Variants in SCRG1 observed in about 807,000 individuals in gnomAD.
SCRG1 encodes scrapie-responsive protein 1.
Under a neutral mutation model 7.7 loss-of-function variants are expected in SCRG1, and 3 were observed. The observed-to-expected ratio is 0.39, with a 90% CI of 0.18 to 1.01. The LOEUF is 1.01. Among genes scored for constraint, SCRG1 ranks in the 50% least tolerant of loss-of-function variants. SCRG1 has a pLI of 0.36. For synonymous variants in SCRG1, 46 were observed against 41.2 expected, an observed-to-expected ratio of 1.12 and a Z score of -0.44; for missense variants, 110 against 117.2, an observed-to-expected ratio of 0.94 and a Z score of 0.28.
At chr4:173,438,282 AT>A in the SCRG1 span, among the ~76,000 whole-genome samples, 21 of 147,786 alleles carry the variant, frequency 1.4e-4, no homozygotes, top group South Asian at 4.3e-4. Flanking sequence ...TGCCCAGCTA[AT>A]TTTTTTTTTT....
chr4:173,517,221 A>G, the SCRG1 span, among the ~76,000 whole-genome samples: 2 of 152,076 alleles, frequency 1.3e-5, no homozygotes, highest in Non-Finnish European at 2.9e-5. Context: ...AGTGGTGGGG[A>G]CTGCAGTCTG....
chr4:173,443,146 G>T, the SCRG1 span, among the ~76,000 whole-genome samples: 3 of 152,232 alleles, frequency 2.0e-5, no homozygotes, highest in African/African-American at 4.8e-5. Flanking sequence ...CTGGAGTGAG[G>T]CTTCTAGTTT....
the SCRG1 span, among the ~76,000 whole-genome samples, chr4:173,453,892 C>A: frequency 6.6e-6 from 1 of 152,060 alleles, no homozygotes; most frequent in Non-Finnish European, 1.5e-5. Context: ...GCCTGGCCAA[C>A]ATGATGAAAC....
the SCRG1 span, among the ~76,000 whole-genome samples, chr4:173,484,115 A>G: frequency 2.8e-5 from 2 of 70,362 alleles, no homozygotes; most frequent in South Asian, 5.6e-4. Context: ...TATAATATAT[A>G]ATATACAATA....
At chr4:173,434,511 A>T in the SCRG1 span, among the ~76,000 whole-genome samples, 1 of 152,190 alleles carries the variant, frequency 6.6e-6, no homozygotes, top group Non-Finnish European at 1.5e-5. Flanking sequence ...ATTTCCAAAG[A>T]TACATTTTAA....
At chr4:173,429,774 C>T in the SCRG1 span, among the ~76,000 whole-genome samples, 1 of 152,178 alleles carries the variant, frequency 6.6e-6, no homozygotes, top group Admixed American at 6.5e-5. Context: ...TCAAACCAGT[C>T]CACTTCCAGA....
the SCRG1 span, among the ~76,000 whole-genome samples, chr4:173,436,544 T>C: frequency 6.6e-6 from 1 of 152,186 alleles, no homozygotes; most frequent in Non-Finnish European, 1.5e-5. Context: ...TGGTCATAAA[T>C]GTTCTATTTT....
chr4:173,392,812 C>T (rs1298751783), intron 1 of SCRG1, among the ~76,000 whole-genome samples: 3 of 152,088 alleles, frequency 2.0e-5, no homozygotes, highest in Admixed American at 1.3e-4. Context: ...GTGGAATAGC[C>T]AGACGTGGTG....
the SCRG1 span, among the ~76,000 whole-genome samples, chr4:173,411,505 C>G: frequency 3.3e-5 from 5 of 152,218 alleles, no homozygotes; most frequent in Non-Finnish European, 5.9e-5. Context: ...GAATCACCAT[C>G]CCCCTAGTTC....
At chr4:173,395,689 T>C (rs1414943245) in intron 1 of SCRG1, among the ~76,000 whole-genome samples, 1 of 152,240 alleles carries the variant, frequency 6.6e-6, no homozygotes, top group Non-Finnish European at 1.5e-5. Flanking sequence ...ATATATAATC[T>C]GGCCTACAAG....
At chr4:173,410,689 C>T (rs1215452512), upstream of SCRG1, among the ~76,000 whole-genome samples, 1 of 152,098 alleles carries the variant, frequency 6.6e-6, no homozygotes, top group African/African-American at 2.4e-5. Context: ...TGATCGAGAT[C>T]CCTACAGATT....
the SCRG1 span, among the ~76,000 whole-genome samples, chr4:173,517,369 CAG>C: frequency 1.3e-5 from 2 of 152,214 alleles, no homozygotes; most frequent in Non-Finnish European, 2.9e-5. Flanking sequence ...AGCTGCCTTC[CAG>C]AGGGGGCGAG....
chr4:173,391,258 C>G lies in SCRG1; in HGVS notation c.157G>C (p.Val53Leu). 2.5e-6 allele frequency: 4 copies of G among 1,614,182 alleles called. No homozygotes were observed. Among genetic ancestry groups the G allele is most frequent in the Non-Finnish European group, 3.4e-6 (4 of 1,180,030 alleles). ...TCCCAGAAATGATCCTGGACATTGACATCAATCTGTGTCAGGTCAGCTACT... is the reference window on the plus strand; with the variant it reads ...TCCCAGAAATGATCCTGGACATTGAGATCAATCTGTGTCAGGTCAGCTACT... ...EGVADLTQID[V>L]NVQDHFWDGK... is the part of the protein sequence containing the mutation. Residue 53 changes from valine to leucine, a missense_variant, in exon 2 of 3, where the codon GTC becomes CTC. Val to Leu is a conservative substitution (Grantham distance 32). Coordinates refer to ENST00000296506, the MANE Select transcript of SCRG1 (RefSeq NM_007281.4).
At chr4:173,433,994 C>A in the SCRG1 span, among the ~76,000 whole-genome samples, 1,066 of 152,318 alleles carry the variant, frequency 7.0e-3, 19 homozygotes, top group African/African-American at 0.024. Flanking sequence ...TGCTTTTTAG[C>A]CTTTCAACAT....
At chr4:173,478,375 A>G in the SCRG1 span, among the ~76,000 whole-genome samples, 2 of 138,830 alleles carry the variant, frequency 1.4e-5, no homozygotes, top group Non-Finnish European at 2.9e-5. Context: ...ATGGAAGAAA[A>G]AAACAAAAAA....
the SCRG1 span, among the ~76,000 whole-genome samples, chr4:173,504,286 T>C: frequency 6.6e-6 from 1 of 152,202 alleles, no homozygotes. This position sits in a 1 kb window ranked among gnomAD's most constrained non-coding sequence, Gnocchi z 4.7. Context: ...CCCAGAGGCT[T>C]CCCTGCATGC....
At chr4:173,470,307 T>C in the SCRG1 span, among the ~76,000 whole-genome samples, 1 of 152,114 alleles carries the variant, frequency 6.6e-6, no homozygotes, top group Non-Finnish European at 1.5e-5. Flanking sequence ...ATCTATTTTG[T>C]GCAACCCACC....
intron 1 of SCRG1, among the ~76,000 whole-genome samples, chr4:173,394,269 T>TC (rs907166016): frequency 6.6e-5 from 10 of 152,130 alleles, no homozygotes; most frequent in African/African-American, 2.4e-4. Context: ...TCTTTTTTTT[T>TC]CCGATATGCT....
chr4:173,401,374 C>T (rs544742053), upstream of SCRG1, among the ~76,000 whole-genome samples: 23 of 152,304 alleles, frequency 1.5e-4, no homozygotes, highest in East Asian at 3.5e-3. Flanking sequence ...AAAATGGAAA[C>T]TAGCCTTTAT....
Sources: gnomAD v4.1 joint callset for allele counts (sites outside exome capture counted in the v4.1 genomes callset) on GRCh38, gnomAD v4.1.1 for gene constraint, Gnocchi (gnomAD v3.1) non-coding constraint, MANE v1.5 for transcripts, NCBI Gene and HGNC (gene_info 2026-07-23, HGNC 2026-07-21) for gene names.